BCAS3: variants seen among roughly 807,000 people sequenced by gnomAD.
BCAS3 encodes the protein BCAS3 microtubule associated cell migration factor.
Under a neutral mutation model 116.1 loss-of-function variants are expected in BCAS3, and 53 were observed. The ratio of observed to expected loss-of-function variants is 0.46; its 90% confidence interval spans 0.37 to 0.57. The LOEUF (loss-of-function observed/expected upper bound fraction) is 0.57. Among genes scored for constraint, BCAS3 ranks in the 20% least tolerant of loss-of-function variants. The probability of loss-of-function intolerance (pLI) is 0.00; values close to 1 mark genes in which losing one functional copy is unlikely to be tolerated. For synonymous variants in BCAS3, 391 were observed against 408.2 expected (o/e 0.96, Z 0.51); for missense variants, 917 against 1,165.4 (o/e 0.79, Z 3.10).
At chr17:61,221,936 C>A (rs909006881) in intron 22 of BCAS3, among the ~76,000 whole-genome samples, 1 of 152,166 alleles carries the variant, frequency 6.6e-6, no homozygotes. Flanking sequence ...TTCTAACTTA[C>A]GTCATAAGTT....
At chr17:61,260,486 C>T (rs1297310582) in intron 22 of BCAS3, among the ~76,000 whole-genome samples, 1 of 152,228 alleles carries the variant, frequency 6.6e-6, no homozygotes, top group Non-Finnish European at 1.5e-5. Context: ...TGCCCTGCCA[C>T]TGTTGTTTTC....
chr17:61,104,339 TA>T lies in BCAS3; in HGVS notation c.2425+19782del, dbSNP rs1194786844. Among the ~76,000 whole-genome samples, 1 of 152,122 alleles carries T rather than the reference TA, an allele frequency of 6.6e-6. No homozygotes were observed. The highest frequency in any genetic ancestry group is 1.5e-5 in the Non-Finnish European group (1 of 68,020). Reference sequence around the variant, plus strand: ...CTGCTTTTATTTTTTAAAAACTTTTTAAAAAAAGTTTTTCATATAACTTTTT... The same window carrying T: ...CTGCTTTTATTTTTTAAAAACTTTTTAAAAAAGTTTTTCATATAACTTTTT... On this transcript the variant is annotated intron_variant, in intron 22 of 23. Transcript: ENST00000407086. The surrounding 1 kb of genome is among the most constrained non-coding windows in gnomAD (Gnocchi z 4.1).
rs539081695 is a variant in BCAS3, at chr17:61,105,197, A to G, written c.2425+20633A>G. Among the ~76,000 whole-genome samples the G allele has an allele frequency of 3.9e-5, 6 of 152,314 alleles. No homozygotes were observed. The South Asian group carries it at 1.0e-3, about 26-fold the overall frequency. ...TGCCGCAGGGCACAGCACATTGGAA[A>G]ACTGCCTTGCACCAGCCCAGTTTTC... is the stretch of plus-strand genomic sequence containing the variant. On this transcript the variant is annotated intron_variant, in intron 22 of 23. Transcript: ENST00000407086. This position sits in a 1 kb window ranked among gnomAD's most constrained non-coding sequence, Gnocchi z 4.3.
chr17:60,769,697 G>A (rs951815123), intron 6 of BCAS3, among the ~76,000 whole-genome samples: 1 of 152,214 alleles, frequency 6.6e-6, no homozygotes, highest in Non-Finnish European at 1.5e-5. Flanking sequence ...GTGTGAAGGT[G>A]CCCTGCCTCC....
chr17:61,117,099 C>G, intron 22 of BCAS3, among the ~76,000 whole-genome samples: 1 of 152,130 alleles, frequency 6.6e-6, no homozygotes, highest in Admixed American at 6.5e-5. Context: ...ACCCTTTCTC[C>G]ACTCCTTTCG....
chr17:61,107,015 T>C (rs2074699869), intron 22 of BCAS3, among the ~76,000 whole-genome samples: 1 of 152,074 alleles, frequency 6.6e-6, no homozygotes, highest in African/African-American at 2.4e-5. Context: ...GCTTCATTCA[T>C]TCATTCAGCT....
intron 19 of BCAS3, among the ~76,000 whole-genome samples, chr17:61,045,948 TATATAA>T (rs2068125295): frequency 7.1e-5 from 1 of 14,160 alleles, no homozygotes; most frequent in South Asian, 2.7e-3. Context: ...ATATATTATA[TATATAA>T]ATATATATAT....
At chr17:61,236,613 T>C (rs911359516) in intron 22 of BCAS3, among the ~76,000 whole-genome samples, 4 of 152,192 alleles carry the variant, frequency 2.6e-5, no homozygotes, top group Admixed American at 1.3e-4. Context: ...AGCCACCGCA[T>C]CCGGCCACTG....
At chr17:60,894,671 T>C (rs2057394005) in intron 10 of BCAS3, among the ~76,000 whole-genome samples, 1 of 152,206 alleles carries the variant, frequency 6.6e-6, no homozygotes, top group Admixed American at 6.5e-5. Flanking sequence ...CTTTTAAATT[T>C]TCCCCATTCA....
At chr17:61,090,832 A>C (rs187606529) in intron 22 of BCAS3, among the ~76,000 whole-genome samples, 20 of 151,956 alleles carry the variant, frequency 1.3e-4, no homozygotes, top group African/African-American at 4.3e-4. Context: ...TAACTTTTGT[A>C]TTTTAGTAGA....
chr17:60,971,343 G>A (rs1383442126), intron 14 of BCAS3, among the ~76,000 whole-genome samples: 1 of 152,144 alleles, frequency 6.6e-6, no homozygotes, highest in East Asian at 1.9e-4. Flanking sequence ...CAGATAATAA[G>A]TATCTTTGAC....
At chr17:60,975,946 A>G (rs948830119) in intron 14 of BCAS3, among the ~76,000 whole-genome samples, 15 of 151,474 alleles carry the variant, frequency 9.9e-5, no homozygotes, top group Non-Finnish European at 2.2e-4. Flanking sequence ...TCATTTATCA[A>G]TTGATAGACA....
chr17:61,001,575 C>A (rs1421219284), intron 15 of BCAS3, among the ~76,000 whole-genome samples: 1 of 152,100 alleles, frequency 6.6e-6, no homozygotes, highest in African/African-American at 2.4e-5. Flanking sequence ...AAAAATCAAT[C>A]AAGTGCACTG....
rs369811920 is a variant in BCAS3, at chr17:60,850,651, G to A, written c.477-17925G>A. On this transcript the variant is annotated intron_variant, in intron 7 of 23. Transcript: ENST00000407086. ...TGGGATTAGAGGCGTGAGCCACTGC[G>A]CCCGGCCAATTTTAGACCTTTTCTG... 1.2e-4 allele frequency among the ~76,000 whole-genome samples: 19 copies of A among 152,142 alleles called. No individual in the cohort carries two copies. In the East Asian group the frequency reaches 1.9e-3, roughly 15 times the overall value.
intron 22 of BCAS3, among the ~76,000 whole-genome samples, chr17:61,357,277 T>TAAATAAATAAAA (rs1568930807): frequency 6.9e-6 from 1 of 144,820 alleles, no homozygotes; most frequent in African/African-American, 2.6e-5. Flanking sequence ...AATTAATTAA[T>TAAATAAATAAAA]TAAATAAATA....
chr17:61,042,157 T>G (rs2067564977), intron 19 of BCAS3, among the ~76,000 whole-genome samples: 1 of 152,034 alleles, frequency 6.6e-6, no homozygotes, highest in South Asian at 2.1e-4. Flanking sequence ...AACTATCATA[T>G]GAACTGGAAA....
intron 11 of BCAS3, among the ~76,000 whole-genome samples, chr17:60,904,567 C>G (rs768696962): frequency 6.6e-6 from 1 of 152,050 alleles, no homozygotes; most frequent in Non-Finnish European, 1.5e-5. Context: ...TGCTGTGCCT[C>G]GTGCCTGTAA....
chr17:60,849,906 G>A (rs550706061), intron 7 of BCAS3, among the ~76,000 whole-genome samples: 5 of 152,226 alleles, frequency 3.3e-5, no homozygotes, highest in Admixed American at 6.5e-5. Context: ...GACTACAGGC[G>A]TGCTACCGTG....
chr17:60,918,674 A>G (rs1248147708), intron 12 of BCAS3, among the ~76,000 whole-genome samples: 1 of 145,682 alleles, frequency 6.9e-6, no homozygotes, highest in Non-Finnish European at 1.5e-5. Flanking sequence ...CATCTAGTCT[A>G]TTGTTGAAGC....
Sources: gnomAD v4.1 joint callset for allele counts (sites outside exome capture counted in the v4.1 genomes callset) on GRCh38, gnomAD v4.1.1 for gene constraint, Gnocchi (gnomAD v3.1) non-coding constraint, MANE v1.5 for transcripts, NCBI Gene and HGNC (gene_info 2026-07-23, HGNC 2026-07-21) for gene names.